PRR35: variants seen among roughly 807,000 people sequenced by gnomAD.
PRR35 encodes proline rich 35.
Under a neutral mutation model 18.6 loss-of-function variants are expected in PRR35, and 14 were observed. The ratio of observed to expected loss-of-function variants is 0.75; its 90% CI spans 0.50 to 1.18. The LOEUF (loss-of-function observed/expected upper bound fraction) is 1.18. PRR35 is among the 50% of genes most tolerant of loss of function. The pLI, the probability that PRR35 is intolerant of heterozygous loss-of-function variation, is 0.00. For missense variants in PRR35, 832 were observed against 792.2 expected (o/e 1.05, Z -0.60); for synonymous variants, 425 against 378.2 (o/e 1.12, Z -1.43).
intron 1 of PRR35, among the ~76,000 whole-genome samples, chr16:560,967 G>T (rs1018853799): frequency 2.6e-5 from 4 of 151,702 alleles, no homozygotes; most frequent in African/African-American, 9.7e-5. Flanking sequence ...GCGGGTGGCC[G>T]ATCAGGGTCC....
intron 2 of PRR35, 135 bp downstream of exon 2, chr16:564,511 G>C: frequency 7.0e-7 from 1 of 1,418,994 alleles, no homozygotes; most frequent in Non-Finnish European, 9.4e-7. Context: ...CCAGGCCACA[G>C]AGGGGAACTG....
chr16:562,012 G>A (rs2142106908), intron 1 of PRR35, among the ~76,000 whole-genome samples: 1 of 152,362 alleles, frequency 6.6e-6, no homozygotes, highest in Admixed American at 6.5e-5. Flanking sequence ...GCACAGAGGT[G>A]GCTTCTCCGG....
At chr16:560,714 T>G in intron 1 of PRR35, 53 bp downstream of exon 1, 1 of 968,106 alleles carries the variant, frequency 1.0e-6, no homozygotes, top group Non-Finnish European at 1.2e-6. Context: ...CGGGGCCGGC[T>G]GGACGCGGGG....
Position 563,226 on chromosome 16 carries a change from G to T in PRR35, c.-39-30G>T. On this transcript the variant is annotated intron_variant, in intron 1 of 2. Coordinates refer to ENST00000409413, the MANE Select transcript of PRR35 (RefSeq NM_145270.3). The stretch of plus-strand genomic sequence containing the variant: ...GGAGTGGGGAGTTAGTCAGAGGCAG[G>T]CTTGGCACTGACTGTGGCCCCATCT... The T allele has an allele frequency of 6.0e-6, 9 of 1,492,396 alleles. No homozygotes were observed. The South Asian group carries it at 7.9e-5, about 13-fold the overall frequency. The allele number at this position is 1,492,396 out of a possible 1,614,324, so 92.4% of individuals were successfully genotyped here.
intron 2 of PRR35, 71 bp from the exon 3 acceptor site, chr16:564,603 G>C: frequency 7.0e-7 from 1 of 1,438,072 alleles, no homozygotes; most frequent in South Asian, 1.4e-5. Flanking sequence ...CAGAGGCCGT[G>C]AGGGGAGAGG....
chr16:559,937 C>T (rs1432634341), upstream of PRR35, among the ~76,000 whole-genome samples: 42 of 151,722 alleles, frequency 2.8e-4, 2 homozygotes, highest in Admixed American at 2.7e-3. Flanking sequence ...CCCCAGGGGC[C>T]CTGGCTCGGG....
intron 1 of PRR35, 109 bp from the exon 2 acceptor site, chr16:563,147 T>C (rs35903260): frequency 0.48 from 516,839 of 1,080,586 alleles, 123,339 homozygotes; most frequent in South Asian, 0.7. Context: ...GGCGGCGGGG[T>C]GGGGGGAGCA....
intron 1 of PRR35, chr16:561,742 C>G (rs1351921135): frequency 1.0e-6 from 1 of 985,456 alleles, no homozygotes; most frequent in Non-Finnish European, 1.2e-6. Context: ...TGCCCCAGCC[C>G]TACCCTGCTC....
chr16:564,002 G>A lies in PRR35; in HGVS notation c.708G>A (p.Leu236=). The change falls in exon 2 of 3, where the codon CTG becomes CTA. Residue 236 remains leucine (L), a synonymous_variant. Coordinates refer to ENST00000409413, the MANE Select transcript of PRR35 (RefSeq NM_145270.3). ...SLAAAAHVPF[L]ASASPLLPPA... The stretch of plus-strand genomic sequence containing the variant: ...CCGCTGCAGCCCATGTGCCCTTCCT[G>A]GCCTCGGCCAGCCCCCTGCTGCCCC... The A allele has an allele frequency of 6.3e-7, 1 of 1,599,380 alleles. No homozygotes were observed.
At chr16:560,893 C>G (rs2035422208) in intron 1 of PRR35, among the ~76,000 whole-genome samples, 2 of 149,210 alleles carry the variant, frequency 1.3e-5, no homozygotes, top group Admixed American at 1.3e-4. Context: ...CGCCTGACCT[C>G]GCGCTCGCCG....
In PRR35 at chr16:563,819, G is replaced by C; in HGVS notation, c.525G>C (p.Ala175=). The stretch of plus-strand genomic sequence containing the variant: ...GAGGGGACCCAAGGGGCGTGGGTGC[G>C]GGGGACATGGCCTCAGCAGGCCCTG... ...GMGGDPRGVG[A]GDMASAGPEG... The change falls in exon 2 of 3, where the codon GCG becomes GCC. Residue 175 remains alanine (A), a synonymous_variant. Coordinates refer to ENST00000409413, the MANE Select transcript of PRR35 (RefSeq NM_145270.3). 1 of 1,506,422 alleles carries C rather than the reference G, an allele frequency of 6.6e-7. No individual in the cohort carries two copies. The highest frequency in any genetic ancestry group is 8.9e-7 in the Non-Finnish European group (1 of 1,124,950). 93.3% of individuals were successfully genotyped at this position (1,506,422 alleles called of 1,614,324 possible). A position where few individuals can be genotyped will look rare whatever the true frequency, so the allele number is the denominator to read the frequency against.
At position 565,352 on chromosome 16, in the gene PRR35, G is replaced by A. The variant is rs1426767833; in HGVS notation, c.*45G>A. The stretch of plus-strand genomic sequence containing the variant: ...GACTGTCTCTGCCTGCAGCATGCCG[G>A]CCCCTCTCCTGCAGCCCCTGCCCCT... On this transcript the variant is annotated 3_prime_UTR_variant, in exon 3 of 3. Coordinates refer to ENST00000409413, the MANE Select transcript of PRR35 (RefSeq NM_145270.3). The A allele has an allele frequency of 3.5e-6, 5 of 1,421,882 alleles. No individual in the cohort carries two copies. In the South Asian group the frequency reaches 7.7e-5, roughly 22 times the overall value. The allele number at this position is 1,421,882 out of a possible 1,614,324, so 88.1% of individuals were successfully genotyped here. A position where few individuals can be genotyped will look rare whatever the true frequency, so the allele number is the denominator to read the frequency against.
chr16:564,994 CTG>C lies in PRR35; in HGVS notation c.1406_1407del (p.Val469GlufsTer51). 6.2e-7 allele frequency: 1 copy of C among 1,607,368 alleles called. No individual in the cohort carries two copies. Among genetic ancestry groups the C allele is most frequent in the Non-Finnish European group, 8.5e-7 (1 of 1,178,130 alleles). On this transcript the variant is annotated frameshift_variant, in exon 3 of 3. Coordinates refer to ENST00000409413, the MANE Select transcript of PRR35 (RefSeq NM_145270.3). LOFTEE classifies it low-confidence loss of function (END_TRUNC). ...CCGCCAGACGCACCCCTCGACCTCT[CTG>C]TGAAACGTGCGCCCGCCAAGGGGCC...
chr16:563,796 G>A lies in PRR35; in HGVS notation c.502G>A (p.Gly168Arg), dbSNP rs2035483377. The part of the protein sequence containing the change: ...LPESWKPGMG[G>R]DPRGVGAGDM... ...TGAGTCGTGGAAGCCGGGGATGGGAGGGGACCCAAGGGGCGTGGGTGCGGG... is the reference window on the plus strand; with the variant it reads ...TGAGTCGTGGAAGCCGGGGATGGGAAGGGACCCAAGGGGCGTGGGTGCGGG... The change falls in exon 2 of 3, where the codon GGG becomes AGG. Residue 168 changes from glycine to arginine, a missense_variant. By Grantham distance (125) the Gly-to-Arg change is moderately radical. Coordinates refer to ENST00000409413, the MANE Select transcript of PRR35 (RefSeq NM_145270.3). 1.3e-6 allele frequency: 2 copies of A among 1,498,174 alleles called. No individual in the cohort carries two copies. Among genetic ancestry groups the A allele is most frequent in the Non-Finnish European group, 1.8e-6 (2 of 1,123,252 alleles). The allele number at this position is 1,498,174 out of a possible 1,614,324, so 92.8% of individuals were successfully genotyped here.
At chr16:562,484 T>C (rs576257635) in intron 1 of PRR35, among the ~76,000 whole-genome samples, 7 of 150,326 alleles carry the variant, frequency 4.7e-5, no homozygotes, top group East Asian at 3.9e-4. Flanking sequence ...CACGTGCACA[T>C]GAACACAAGC....
intron 1 of PRR35, among the ~76,000 whole-genome samples, chr16:562,609 A>G (rs566076902): frequency 1.4e-4 from 11 of 76,614 alleles, no homozygotes; most frequent in East Asian, 1.0e-3. Context: ...ACACACAGGC[A>G]CACACACACA....
In PRR35 at chr16:563,704, C is replaced by T. The variant is rs746249705; in HGVS notation, c.410C>T (p.Ser137Phe). 50 of 1,551,236 alleles carry T rather than the reference C, an allele frequency of 3.2e-5. 1 individual carries two copies. In the South Asian group the frequency reaches 5.2e-4, roughly 16 times the overall value. ...GGGPKSRAKGSPGPPPPVARA... is the reference protein window; with the variant it reads ...GGGPKSRAKGFPGPPPPVARA... ...GGCCCCAAGTCCAGGGCCAAGGGGT[C>T]CCCAGGGCCACCACCCCCTGTGGCT... Residue 137 changes from serine (S) to phenylalanine (F), a missense_variant, in exon 2 of 3, where the codon TCC (serine) becomes TTC (phenylalanine). By Grantham distance (155) the Ser-to-Phe change is radical. Around this residue, in one of 3 missense-constraint regions of PRR35, gnomAD observed 768 missense variants for 704.1 expected, o/e 1.09. Transcript: ENST00000409413.
rs45619831 is a variant in PRR35, at chr16:563,729, T to G, written c.435T>G (p.Ala145=). The G allele has an allele frequency of 0.029, 44,340 of 1,533,418 alleles. 725 individuals carry two copies. The highest frequency in any genetic ancestry group is 0.035 in the Non-Finnish European group (39,749 of 1,143,412). The allele number at this position is 1,533,418 out of a possible 1,614,324, so 95.0% of individuals were successfully genotyped here. A position where few individuals can be genotyped will look rare whatever the true frequency, so the allele number is the denominator to read the frequency against. Residue 145 remains alanine, a synonymous_variant, in exon 2 of 3, where the codon GCT becomes GCG. Transcript: ENST00000409413. ...CCCCAGGGCCACCACCCCCTGTGGC[T>G]AGGGCCACCCGGAAGGGTCCCGGCC... The part of the protein sequence containing the change: ...KGSPGPPPPV[A]RATRKGPGPS...
rs113719773 is a variant in PRR35, at chr16:565,094, C to A, written c.1503C>A (p.Pro501=). 1.3e-6 allele frequency: 2 copies of A among 1,594,416 alleles called. No individual in the cohort carries two copies. Among genetic ancestry groups the A allele is most frequent in the South Asian group, 2.2e-5 (2 of 89,066 alleles). Residue 501 remains proline (P), a synonymous_variant, in exon 3 of 3, where the codon CCC becomes CCA. Coordinates refer to ENST00000409413, the MANE Select transcript of PRR35 (RefSeq NM_145270.3). ...PVLTGGTPEP[P]GMLGPAAPQP... ...TGACCGGGGGCACCCCCGAGCCACC[C>A]GGCATGCTGGGCCCTGCAGCGCCCC...
Sources: allele counts gnomAD v4.1 joint callset (sites outside exome capture counted in the v4.1 genomes callset), GRCh38; gene constraint gnomAD v4.1.1; regional missense constraint gnomAD v4.1.1; transcripts MANE v1.5; gene names NCBI Gene and HGNC (gene_info 2026-07-23, HGNC 2026-07-21).